The following MESD variants were observed in gnomAD, a reference collection of about 807,000 sequenced individuals.
MESD encodes mesoderm development LRP chaperone, also known as LRP chaperone MESD.
MESD carries 7 observed loss-of-function variants against 12.9 expected under a neutral mutation model. That is an observed-to-expected ratio of 0.54 (90% confidence interval 0.31 to 1.02). The LOEUF (loss-of-function observed/expected upper bound fraction) is 1.02, where lower values mean the gene tolerates loss of function less well. Among genes scored for constraint, MESD ranks in the 50% least tolerant of loss-of-function variants. The pLI, the probability that MESD is intolerant of heterozygous loss-of-function variation, is 0.05. For synonymous variants in MESD, 126 were observed against 115.6 expected (o/e 1.09, Z -0.58); for missense variants, 342 against 296.7 (o/e 1.15, Z -1.12).
chr15:80,952,985 C>T (rs887070089), intron 3 of MESD: 3 of 455,856 alleles, frequency 6.6e-6, no homozygotes, highest in Non-Finnish European at 8.8e-6. Flanking sequence ...GAGTGATCAT[C>T]GCCTGGATTG....
At chr15:80,974,374 G>C (rs531199897), downstream of MESD, among the ~76,000 whole-genome samples, 1 of 152,036 alleles carries the variant, frequency 6.6e-6, no homozygotes, top group East Asian at 1.9e-4. Context: ...ACAAAGATGT[G>C]GCATCTACCC....
intron 3 of MESD, among the ~76,000 whole-genome samples, chr15:80,967,197 C>A (rs1018766950): frequency 6.6e-6 from 1 of 152,082 alleles, no homozygotes; most frequent in Admixed American, 6.5e-5. Flanking sequence ...GAGGCTGAGG[C>A]AGGAGAATCA....
At chr15:80,948,966 G>T in intron 4 of MESD, 2 of 1,613,088 alleles carry the variant, frequency 1.2e-6, no homozygotes, top group Non-Finnish European at 1.7e-6. Context: ...AGACTATGAC[G>T]GTGACTCTTG....
chr15:80,948,537 A>T, exon 5 of MESD: 1 of 525,966 alleles, frequency 1.9e-6, no homozygotes, highest in Non-Finnish European at 3.5e-6. Context: ...CCTGCTGTGC[A>T]TGGCTCCCCT....
At chr15:80,960,630 C>T (rs957257748) in intron 3 of MESD, among the ~76,000 whole-genome samples, 2 of 152,148 alleles carry the variant, frequency 1.3e-5, no homozygotes, top group African/African-American at 4.8e-5. Context: ...ATGAGGAACG[C>T]TTTCTTAAAC....
intron 1 of MESD, among the ~76,000 whole-genome samples, chr15:80,988,738 C>T (rs531294035): frequency 6.6e-6 from 1 of 152,212 alleles, no homozygotes; most frequent in Non-Finnish European, 1.5e-5. Flanking sequence ...CCCATCCTAA[C>T]CTCCTCATGT....
At chr15:80,963,493 T>A (rs905881103) in intron 3 of MESD, among the ~76,000 whole-genome samples, 7 of 152,168 alleles carry the variant, frequency 4.6e-5, no homozygotes, top group Non-Finnish European at 8.8e-5. Context: ...GCCAGCATCA[T>A]CCTGATACCA....
Position 80,982,028 on chromosome 15 carries a change from C to T in MESD, c.368G>A (p.Ser123Asn). 1 of 1,614,182 alleles carries T rather than the reference C, an allele frequency of 6.2e-7. No individual in the cohort carries two copies. ...TTCCTCTGTCTCCTTCTCAGTAGGGCTTCCTGATACAGTGACAAACATCAT... is the reference window on the plus strand; with the variant it reads ...TTCCTCTGTCTCCTTCTCAGTAGGGTTTCCTGATACAGTGACAAACATCAT... Reference protein sequence around the residue: ...TLMMFVTVSGSPTEKETEEIT... With the variant: ...TLMMFVTVSGNPTEKETEEIT... The change falls in exon 2 of 3, where the codon AGC (serine) becomes AAC (asparagine). Residue 123 changes from serine (S) to asparagine (N), a missense_variant. Ser to Asn is a conservative substitution (Grantham distance 46). Coordinates refer to ENST00000261758, the MANE Select transcript of MESD (RefSeq NM_015154.3).
intron 3 of MESD, among the ~76,000 whole-genome samples, chr15:80,959,263 C>A (rs897643521): frequency 1.3e-5 from 2 of 152,146 alleles, no homozygotes; most frequent in Admixed American, 1.3e-4. Flanking sequence ...CCAGAGATGA[C>A]CGAAGGTAGA....
chr15:80,968,586 C>T (rs566664280), intron 3 of MESD, among the ~76,000 whole-genome samples: 12 of 151,952 alleles, frequency 7.9e-5, no homozygotes, highest in Admixed American at 5.2e-4. Context: ...GTGGGAGGAT[C>T]GCTTGAGCTC....
In MESD at chr15:80,976,838, G is replaced by T. The variant is rs1279981174; in HGVS notation, c.*2381C>A. ...AGTGTCCATCAGCAGGGACTATGCAGTGAAACAGTGGTTCAAACCTCACCA... is the reference window on the plus strand; with the variant it reads ...AGTGTCCATCAGCAGGGACTATGCATTGAAACAGTGGTTCAAACCTCACCA... On this transcript the variant is annotated 3_prime_UTR_variant, in exon 3 of 3. Coordinates refer to ENST00000261758, the MANE Select transcript of MESD (RefSeq NM_015154.3). The T allele has an allele frequency of 2.0e-5, 3 of 152,228 alleles. No individual in the cohort carries two copies. The highest frequency in any genetic ancestry group is 4.4e-5 in the Non-Finnish European group (3 of 68,048). The allele number at this position is 152,228 out of a possible 1,614,324, so 9.4% of individuals were successfully genotyped here. A position where few individuals can be genotyped will look rare whatever the true frequency, so the allele number is the denominator to read the frequency against.
At chr15:80,957,560 C>G (rs889776042) in intron 3 of MESD, among the ~76,000 whole-genome samples, 4 of 152,080 alleles carry the variant, frequency 2.6e-5, no homozygotes, top group Admixed American at 6.6e-5. Context: ...CTTAGGCTCC[C>G]ATGATTGGAA....
At chr15:80,988,310 C>T (rs1439565129) in intron 1 of MESD, among the ~76,000 whole-genome samples, 1 of 152,176 alleles carries the variant, frequency 6.6e-6, no homozygotes, top group Non-Finnish European at 1.5e-5. Context: ...TTTTTCTTGG[C>T]CTTCAAAGTC....
intron 3 of MESD, among the ~76,000 whole-genome samples, chr15:80,969,584 G>C: frequency 6.6e-6 from 1 of 152,138 alleles, no homozygotes; most frequent in East Asian, 1.9e-4. Context: ...GCTGGGCATG[G>C]TGGCTCACGC....
At chr15:80,960,450 T>C (rs545686572) in intron 3 of MESD, among the ~76,000 whole-genome samples, 1 of 150,334 alleles carries the variant, frequency 6.7e-6, no homozygotes, top group African/African-American at 2.4e-5. Flanking sequence ...AACCAACCAA[T>C]TACACAAAGT....
chr15:80,947,522 G>C, exon 5 of MESD: 1 of 172,170 alleles, frequency 5.8e-6, no homozygotes. Flanking sequence ...CTAAAGCCCA[G>C]AGAACCTACA....
At chr15:80,989,292 G>A (rs772280839) in intron 1 of MESD, among the ~76,000 whole-genome samples, 1 of 152,188 alleles carries the variant, frequency 6.6e-6, no homozygotes, top group Non-Finnish European at 1.5e-5. Flanking sequence ...GGTGAAGGGA[G>A]AGCAAAGCTG....
chr15:80,979,022 G>C lies in MESD; in HGVS notation c.*197C>G. ...ATTTGTCAGTGTCCAGTATTAATTAGAAAACATCTGTCTTCTTACTTGAAG... is the reference window on the plus strand; with the variant it reads ...ATTTGTCAGTGTCCAGTATTAATTACAAAACATCTGTCTTCTTACTTGAAG... On this transcript the variant is annotated 3_prime_UTR_variant, in exon 3 of 3. Transcript: ENST00000261758. The C allele has an allele frequency of 1.5e-6, 1 of 657,962 alleles. No homozygotes were observed. 40.8% of individuals were successfully genotyped at this position (657,962 alleles called of 1,614,324 possible). A position where few individuals can be genotyped will look rare whatever the true frequency, so the allele number is the denominator to read the frequency against.
chr15:80,968,858 A>C (rs1902227538), intron 3 of MESD, among the ~76,000 whole-genome samples: 2 of 152,296 alleles, frequency 1.3e-5, no homozygotes, highest in Admixed American at 1.3e-4. Flanking sequence ...AGGGCCACAT[A>C]GTAAATGTTA....
Sources: allele counts gnomAD v4.1 joint callset (sites outside exome capture counted in the v4.1 genomes callset), GRCh38; gene constraint gnomAD v4.1.1; transcripts MANE v1.5; gene names NCBI Gene and HGNC (gene_info 2026-07-23, HGNC 2026-07-21).